The following CDK13 variants were observed in gnomAD, a reference collection of about 807,000 sequenced individuals.
The protein encoded by CDK13 is cyclin-dependent kinase 13.
CDK13 carries 40 observed loss-of-function variants against 137.6 expected under a neutral mutation model. That is an observed-to-expected ratio of 0.29 (90% confidence interval 0.23 to 0.38). The LOEUF is 0.38. Among genes scored for constraint, CDK13 ranks in the 10% least tolerant of loss-of-function variants. The pLI is 1.00. For missense variants in CDK13, 1,704 were observed against 1,951.8 expected (o/e 0.87, Z 2.39); for synonymous variants, 869 against 760.1 (o/e 1.14, Z -2.36).
chr7:40,082,474 A>T, intron 11 of CDK13, among the ~76,000 whole-genome samples: 1 of 118,608 alleles, frequency 8.4e-6, no homozygotes, highest in Admixed American at 1.3e-4. Flanking sequence ...CGACAGAGTG[A>T]GACTCCATTT....
intron 5 of CDK13, among the ~76,000 whole-genome samples, chr7:40,005,093 G>A (rs183538851): frequency 2.0e-5 from 3 of 151,214 alleles, no homozygotes; most frequent in Non-Finnish European, 4.4e-5. Flanking sequence ...AGAATTGTTT[G>A]AACCTGGGAG....
In CDK13 at chr7:40,095,548, A is replaced by T. The variant is rs1278036321; in HGVS notation, c.*568A>T. 6.6e-6 allele frequency: 1 copy of T among 151,204 alleles called. No homozygotes were observed. 9.4% of individuals were successfully genotyped at this position (151,204 alleles called of 1,614,324 possible). The stretch of plus-strand genomic sequence containing the variant: ...TTTCTCTTGATGCAACAGTTTTATA[A>T]AAAAAAAAATGGTCAACGTTATTTT... On this transcript the variant is annotated 3_prime_UTR_variant, in exon 14 of 14. Coordinates refer to ENST00000181839, the MANE Select transcript of CDK13 (RefSeq NM_003718.5).
intron 11 of CDK13, among the ~76,000 whole-genome samples, chr7:40,084,969 A>G (rs1225259798): frequency 1.3e-5 from 2 of 152,228 alleles, no homozygotes; most frequent in African/African-American, 4.8e-5. Flanking sequence ...ATCCATCTGA[A>G]AGTATCAGCA....
chr7:40,063,668 A>AT (rs913380840), intron 9 of CDK13, among the ~76,000 whole-genome samples: 11 of 151,532 alleles, frequency 7.3e-5, no homozygotes, highest in African/African-American at 2.7e-4. Context: ...TTATTATTTT[A>AT]TTTTTTTGAG....
At position 39,950,833 on chromosome 7, in the gene CDK13, C is replaced by G. The variant is rs766897511; in HGVS notation, c.192C>G (p.Pro64=). Residue 64 remains proline, a synonymous_variant, in exon 1 of 14, where the codon CCC becomes CCG. Coordinates refer to ENST00000181839, the MANE Select transcript of CDK13 (RefSeq NM_003718.5). ...CGCCTCTGCTCTTCCTGGCTGCTCC[C>G]GGCACGGCCGCCGCCGCAGCCGCCG... ...PPPPLLFLAA[P]GTAAAAAAAA... The G allele has an allele frequency of 4.3e-6, 6 of 1,389,282 alleles. No homozygotes were observed. The South Asian group carries it at 6.5e-5, about 15-fold the overall frequency. The allele number at this position is 1,389,282 out of a possible 1,614,324, so 86.1% of individuals were successfully genotyped here.
intron 5 of CDK13, among the ~76,000 whole-genome samples, chr7:40,023,354 C>T (rs535513685): frequency 6.6e-6 from 1 of 152,158 alleles, no homozygotes; most frequent in African/African-American, 2.4e-5. Flanking sequence ...CATGAGCCAC[C>T]GTGCCCTGCA....
At chr7:40,029,576 T>G (rs1228417037) in intron 5 of CDK13, among the ~76,000 whole-genome samples, 2 of 148,054 alleles carry the variant, frequency 1.4e-5, no homozygotes, top group South Asian at 4.3e-4. Flanking sequence ...AAAAATTAGC[T>G]GGGCGTGATG....
chr7:40,083,698 C>G (rs908606264), intron 11 of CDK13, among the ~76,000 whole-genome samples: 3 of 152,122 alleles, frequency 2.0e-5, no homozygotes, highest in Non-Finnish European at 4.4e-5. Context: ...ACACACCTGA[C>G]TGCATTTTTT....
chr7:39,950,271 T>A lies in CDK13; in HGVS notation c.-371T>A. ...CGAAGGTGGTACTTCCGCGTTGCGC[T>A]GCCCGAGCCGAGAGCGCGGCCAAGG... On this transcript the variant is annotated 5_prime_UTR_variant, in exon 1 of 14. Coordinates refer to ENST00000181839, the MANE Select transcript of CDK13 (RefSeq NM_003718.5). 9.5e-7 allele frequency: 1 copy of A among 1,051,580 alleles called. No individual in the cohort carries two copies. Among genetic ancestry groups the A allele is most frequent in the Non-Finnish European group, 1.1e-6 (1 of 873,228 alleles). The allele number at this position is 1,051,580 out of a possible 1,614,324, so 65.1% of individuals were successfully genotyped here.
intron 11 of CDK13, among the ~76,000 whole-genome samples, chr7:40,087,479 T>G (rs747277304): frequency 1.3e-5 from 2 of 152,150 alleles, no homozygotes; most frequent in Admixed American, 6.6e-5. Flanking sequence ...TTTTCATGTC[T>G]TATTCAGTGT....
chr7:40,080,530 G>C (rs1217317775), intron 11 of CDK13, among the ~76,000 whole-genome samples: 1 of 152,104 alleles, frequency 6.6e-6, no homozygotes, highest in Non-Finnish European at 1.5e-5. Context: ...TTTATGGGAT[G>C]ATTTGGGAGC....
At position 39,951,611 on chromosome 7, in the gene CDK13, G is replaced by T; in HGVS notation, c.970G>T (p.Asp324Tyr). 1.4e-6 allele frequency: 2 copies of T among 1,481,400 alleles called. No homozygotes were observed. Among genetic ancestry groups the T allele is most frequent in the Non-Finnish European group, 1.8e-6 (2 of 1,119,298 alleles). The allele number at this position is 1,481,400 out of a possible 1,614,324, so 91.8% of individuals were successfully genotyped here. ...CCTCAGCCCACTGGGAGGCCGGGACGACAGCCCGGTGTCCCACAGGGCCTC... is the reference window on the plus strand; with the variant it reads ...CCTCAGCCCACTGGGAGGCCGGGACTACAGCCCGGTGTCCCACAGGGCCTC... ...RSLSPLGGRD[D>Y]SPVSHRASQS... is the part of the protein sequence containing the mutation. Residue 324 changes from aspartate to tyrosine, a missense_variant, in exon 1 of 14, where the codon GAC becomes TAC. Transcript: ENST00000181839.
At position 40,078,772 on chromosome 7, in the gene CDK13, A is replaced by T. The variant is rs991587253; in HGVS notation, c.2950A>T (p.Ser984Cys). The T allele has an allele frequency of 5.1e-6, 8 of 1,553,570 alleles. No homozygotes were observed. In the Middle Eastern group the frequency reaches 5.2e-4, roughly 100 times the overall value. Residue 984 changes from serine to cysteine, a missense_variant, in exon 11 of 14, where the codon AGT becomes TGT. Physicochemically the swap from Ser to Cys is moderately radical, Grantham distance 112 (BLOSUM62 -1). Coordinates refer to ENST00000181839, the MANE Select transcript of CDK13 (RefSeq NM_003718.5). ...TGATTACATGCTTGCCTTGGATCCT[A>T]GTAAGCGCTGCACTGCTGAACAGGC... ...LFDYMLALDP[S>C]KRCTAEQALQ...
chr7:39,993,268 T>TA (rs1368804204), intron 2 of CDK13, among the ~76,000 whole-genome samples: 2 of 152,208 alleles, frequency 1.3e-5, no homozygotes, highest in Non-Finnish European at 2.9e-5. Context: ...TGTTTCCCCA[T>TA]ATCCCATTTA....
At chr7:40,036,268 A>G (rs1785481259) in intron 5 of CDK13, among the ~76,000 whole-genome samples, 1 of 152,208 alleles carries the variant, frequency 6.6e-6, no homozygotes, top group South Asian at 2.1e-4. Context: ...TCTTAATTCA[A>G]TTTAATAATT....
chr7:40,064,325 T>C (rs550309137), intron 9 of CDK13, among the ~76,000 whole-genome samples: 2 of 150,744 alleles, frequency 1.3e-5, no homozygotes, highest in Non-Finnish European at 3.0e-5. Context: ...TTCAGTTTCA[T>C]ATGTAATAAT....
intron 5 of CDK13, among the ~76,000 whole-genome samples, chr7:40,015,423 G>A (rs1160675419): frequency 6.6e-6 from 1 of 152,162 alleles, no homozygotes; most frequent in Non-Finnish European, 1.5e-5. Flanking sequence ...TGTATAATGG[G>A]TTAAGAGCAT....
chr7:40,064,758 G>A (rs1273636163), intron 9 of CDK13, among the ~76,000 whole-genome samples: 5 of 149,738 alleles, frequency 3.3e-5, no homozygotes, highest in Non-Finnish European at 7.4e-5. Context: ...GAGTTCACCT[G>A]AAACATAGAA....
At chr7:40,078,940 T>C (rs570664399) in intron 11 of CDK13, 89 bp downstream of exon 11, 1 of 430,608 alleles carries the variant, frequency 2.3e-6, no homozygotes, top group Non-Finnish European at 3.3e-6. Context: ...AATAAGATAT[T>C]TCATGTCTGG....
Sources: allele counts gnomAD v4.1 joint callset (sites outside exome capture counted in the v4.1 genomes callset), GRCh38; gene constraint gnomAD v4.1.1; transcripts MANE v1.5; gene names NCBI Gene and HGNC (gene_info 2026-07-23, HGNC 2026-07-21).